The following CHRM5 variants were observed in gnomAD, a reference collection of about 807,000 sequenced individuals.
CHRM5 encodes muscarinic acetylcholine receptor M5.
A neutral mutation model predicts 39.0 loss-of-function variants in CHRM5; 18 were observed. That is an observed-to-expected ratio of 0.46 (90% CI 0.32 to 0.68). The LOEUF (loss-of-function observed/expected upper bound fraction) is 0.68, where lower values mean the gene tolerates loss of function less well. CHRM5 is among the 30% of genes least tolerant of loss of function. The pLI, the probability that CHRM5 is intolerant of heterozygous loss-of-function variation, is 0.04. For missense variants in CHRM5, 515 were observed against 651.1 expected, an observed-to-expected ratio of 0.79 and a Z score of 2.28; for synonymous variants, 241 against 246.3, an observed-to-expected ratio of 0.98 and a Z score of 0.20.
At chr15:34,038,486 G>A (rs1899262738) in intron 1 of CHRM5, among the ~76,000 whole-genome samples, 1 of 151,980 alleles carries the variant, frequency 6.6e-6, no homozygotes, top group African/African-American at 2.4e-5. Flanking sequence ...CCTGACACAC[G>A]GCCTTGGCCT....
In CHRM5 at chr15:34,063,954, C is replaced by G; in HGVS notation, c.1237C>G (p.Pro413Ala). ...MPCPFPVAKE[P>A]STKGLNPNPS... ...CTGCCCCTTCCCAGTGGCCAAGGAA[C>G]CTTCAACGAAAGGCCTCAATCCCAA... Residue 413 changes from proline (P) to alanine (A), a missense_variant, in exon 3 of 3, where the codon CCT becomes GCT. Transcript: ENST00000383263. This position sits in a 1 kb window ranked among gnomAD's most constrained non-coding sequence, Gnocchi z 4.1. 1 of 1,614,126 alleles carries G rather than the reference C, an allele frequency of 6.2e-7. No individual in the cohort carries two copies. The highest frequency in any genetic ancestry group is 8.5e-7 in the Non-Finnish European group (1 of 1,180,022).
intron 2 of CHRM5, among the ~76,000 whole-genome samples, chr15:34,057,460 C>T (rs1900199954): frequency 6.6e-6 from 1 of 152,090 alleles, no homozygotes. Context: ...CATTTTGATG[C>T]TCTTGTTGCT....
At position 34,063,266 on chromosome 15, in the gene CHRM5, C is replaced by A. The variant is rs751845261; in HGVS notation, c.549C>A (p.Cys183Ter). The A allele has an allele frequency of 2.5e-6, 4 of 1,614,168 alleles. No individual in the cohort carries two copies. In the Admixed American group the frequency reaches 6.7e-5, roughly 27 times the overall value. ...VGKRTVPLDE[C>*]QIQFLSEPTI... ...AGCGGACAGTTCCACTGGATGAGTG[C>A]CAGATCCAGTTTCTCTCTGAGCCCA... The change falls in exon 3 of 3, where the codon TGC becomes TGA. Residue 183 changes from cysteine to a stop codon, truncating the protein, a stop_gained. Transcript: ENST00000383263. LOFTEE classifies it high-confidence loss of function. The surrounding 1 kb of genome is among the most constrained non-coding windows in gnomAD (Gnocchi z 4.1).
chr15:33,994,154 G>A (rs760503430), intron 1 of CHRM5, among the ~76,000 whole-genome samples: 4 of 152,222 alleles, frequency 2.6e-5, no homozygotes, highest in Non-Finnish European at 5.9e-5. Context: ...CAAGTGAGCA[G>A]ATTCTTCTCT....
chr15:34,023,118 C>A (rs79477724), intron 1 of CHRM5, among the ~76,000 whole-genome samples: 1 of 152,056 alleles, frequency 6.6e-6, no homozygotes, highest in Non-Finnish European at 1.5e-5. Context: ...CAGGCAGAGG[C>A]TGCAGTGAAC....
intron 1 of CHRM5, among the ~76,000 whole-genome samples, chr15:34,036,615 G>A (rs1237518344): frequency 6.6e-6 from 1 of 152,236 alleles, no homozygotes. Context: ...GAAATGGAAG[G>A]AACTTAGAGA....
intron 1 of CHRM5, among the ~76,000 whole-genome samples, chr15:34,031,104 A>G (rs1898771742): frequency 1.4e-5 from 1 of 70,670 alleles, no homozygotes; most frequent in African/African-American, 5.5e-5. Flanking sequence ...TAATAAGCCA[A>G]AAGAATACAT....
At chr15:34,038,227 C>T (rs923137650) in intron 1 of CHRM5, among the ~76,000 whole-genome samples, 1 of 152,168 alleles carries the variant, frequency 6.6e-6, no homozygotes, top group Non-Finnish European at 1.5e-5. Flanking sequence ...GCATCTGGTC[C>T]CGCCCCCAAA....
At chr15:34,021,403 A>T (rs1012345205) in intron 1 of CHRM5, among the ~76,000 whole-genome samples, 19 of 151,730 alleles carry the variant, frequency 1.3e-4, no homozygotes, top group African/African-American at 4.1e-4. Context: ...CTCCTGCCTC[A>T]GCCTCCTGAG....
chr15:33,994,036 G>A (rs1268355063), intron 1 of CHRM5, among the ~76,000 whole-genome samples: 6 of 152,142 alleles, frequency 3.9e-5, no homozygotes, highest in Non-Finnish European at 7.3e-5. Flanking sequence ...GGGCACACAC[G>A]TGCTGGAGTT....
intron 1 of CHRM5, among the ~76,000 whole-genome samples, chr15:34,001,658 T>C (rs1322667956): frequency 1.3e-5 from 2 of 152,170 alleles, no homozygotes; most frequent in Admixed American, 6.5e-5. Context: ...GTCAATGAGT[T>C]GAGAGCAATC....
intron 1 of CHRM5, among the ~76,000 whole-genome samples, chr15:34,017,041 G>A (rs1897950125): frequency 6.6e-6 from 1 of 152,024 alleles, no homozygotes; most frequent in Admixed American, 6.6e-5. Flanking sequence ...TGAGGTGGGA[G>A]GATCACCTCA....
At chr15:34,055,783 G>A (rs771733936) in intron 2 of CHRM5, among the ~76,000 whole-genome samples, 3 of 151,790 alleles carry the variant, frequency 2.0e-5, no homozygotes, top group Non-Finnish European at 2.9e-5. Context: ...CCTGGGCGAC[G>A]GAGCAAGACT....
intron 1 of CHRM5, among the ~76,000 whole-genome samples, chr15:34,006,268 G>A (rs561612441): frequency 2.0e-5 from 3 of 150,600 alleles, no homozygotes; most frequent in Non-Finnish European, 4.4e-5. Context: ...TCAAGATCAC[G>A]CCATTGCAAT....
chr15:33,978,189 C>T (rs1427844472), intron 1 of CHRM5, among the ~76,000 whole-genome samples: 2 of 152,198 alleles, frequency 1.3e-5, no homozygotes, highest in Admixed American at 6.5e-5. Context: ...CTAGGCAGAA[C>T]CAATGCAGAC....
intron 1 of CHRM5, chr15:34,038,884 G>GGCCACGGCCCCGGCGTCC: frequency 8.8e-7 from 1 of 1,141,256 alleles, no homozygotes; most frequent in Non-Finnish European, 1.1e-6. Flanking sequence ...CCCCGGCCAC[G>GGCCACGGCCCCGGCGTCC]GCCACGGCCC....
At chr15:34,062,554 C>CAA (rs10632153) in intron 2 of CHRM5, 89 bp from the exon 3 acceptor site, 116,625 of 397,250 alleles carry the variant, frequency 0.29, 10,758 homozygotes, top group Admixed American at 0.38. Context: ...GATTCTGTCT[C>CAA]AAAAAAAAAA....
intron 1 of CHRM5, among the ~76,000 whole-genome samples, chr15:34,021,986 C>A (rs1898222360): frequency 1.3e-5 from 2 of 152,198 alleles, no homozygotes; most frequent in South Asian, 4.1e-4. Context: ...ATGACAACTA[C>A]TGCAAAATTT....
intron 1 of CHRM5, among the ~76,000 whole-genome samples, chr15:34,015,958 TGA>T (rs1897885450): frequency 6.6e-6 from 1 of 152,184 alleles, no homozygotes; most frequent in Non-Finnish European, 1.5e-5. Flanking sequence ...CCCTCAGATC[TGA>T]ACAGTAACCA....
Sources: gnomAD v4.1 joint callset for allele counts (sites outside exome capture counted in the v4.1 genomes callset) on GRCh38, gnomAD v4.1.1 for gene constraint, Gnocchi (gnomAD v3.1) non-coding constraint, MANE v1.5 for transcripts, NCBI Gene and HGNC (gene_info 2026-07-23, HGNC 2026-07-21) for gene names.